DMD: variants seen among roughly 807,000 people sequenced by gnomAD.
The protein encoded by DMD is dystrophin, also known as mutant dystrophin.
Under a neutral mutation model 330.1 loss-of-function variants are expected in DMD, and 63 were observed. The observed-to-expected ratio is 0.19, with a 90% confidence interval of 0.16 to 0.24. The LOEUF (loss-of-function observed/expected upper bound fraction) is 0.24, where lower values mean the gene tolerates loss of function less well. DMD is among the 10% of genes least tolerant of loss of function. DMD has a pLI of 1.00. For synonymous variants in DMD, 1,223 were observed against 959.8 expected, an observed-to-expected ratio of 1.27 and a Z score of -5.07; for missense variants, 3,344 against 2,684.1, an observed-to-expected ratio of 1.25 and a Z score of -5.43.
chrX:32,725,808 G>A (rs1399950447), intron 7 of DMD, among the ~76,000 whole-genome samples: 2 of 110,741 alleles, frequency 1.8e-5, no homozygotes, highest in Admixed American at 1.9e-4. Flanking sequence ...TAATTTAACT[G>A]TACATTTTAT....
At chrX:32,784,673 A>G (rs1401350774) in intron 7 of DMD, among the ~76,000 whole-genome samples, 1 of 111,855 alleles carries the variant, frequency 8.9e-6, no homozygotes, top group African/African-American at 3.2e-5. Flanking sequence ...AAAATTAGGG[A>G]AGCAGAGTAA....
intron 47 of DMD, among the ~76,000 whole-genome samples, chrX:31,921,384 A>C (rs2094687871): frequency 9.0e-6 from 1 of 111,721 alleles, no homozygotes; most frequent in African/African-American, 3.3e-5. Flanking sequence ...TATCAGCGGA[A>C]TAGGAGAGCA....
At chrX:32,551,069 CT>C (rs2148993604) in intron 16 of DMD, among the ~76,000 whole-genome samples, 1 of 111,284 alleles carries the variant, frequency 9.0e-6, no homozygotes, top group South Asian at 3.8e-4. Context: ...GAAGGAAAAG[CT>C]GGTATCATTC....
chrX:32,361,310 G>A (rs894223991), intron 37 of DMD, among the ~76,000 whole-genome samples: 4 of 111,224 alleles, frequency 3.6e-5, no homozygotes, highest in Admixed American at 1.9e-4. Context: ...AATTTTAAGA[G>A]CCTGTCACAT....
At chrX:32,343,113 G>A (rs774911254) in intron 40 of DMD, 21 bp downstream of exon 40, 2 of 1,201,611 alleles carry the variant, frequency 1.7e-6, no homozygotes, top group Admixed American at 2.2e-5. Context: ...ATCTGGTATT[G>A]ACATTCTAAA....
chrX:32,740,929 C>A (rs1459385056), intron 7 of DMD, among the ~76,000 whole-genome samples: 2 of 111,555 alleles, frequency 1.8e-5, no homozygotes, highest in East Asian at 5.7e-4. Flanking sequence ...TTATTTATGA[C>A]TCTAAAACTT....
intron 19 of DMD, among the ~76,000 whole-genome samples, chrX:32,500,037 CG>C (rs767366760): frequency 1.8e-5 from 2 of 110,523 alleles, no homozygotes; most frequent in Admixed American, 9.7e-5. Flanking sequence ...AGCCTAATGA[CG>C]TATCAGTTCG....
At position 31,119,257 on chromosome X, in the gene DMD, C is replaced by T. The variant is rs2031921088; in HGVS notation, c.*2662G>A. ...CATAACTGCGTGCTTTATTGAGATACACAGTAAAGCAGTACTATAATACAA... is the reference window on the plus strand; with the variant it reads ...CATAACTGCGTGCTTTATTGAGATATACAGTAAAGCAGTACTATAATACAA... On this transcript the variant is annotated 3_prime_UTR_variant, in exon 79 of 79. Transcript: ENST00000357033. The T allele has an allele frequency of 8.9e-6, 1 of 112,230 alleles. No individual in the cohort carries two copies. The highest frequency in any genetic ancestry group is 1.9e-5 in the Non-Finnish European group (1 of 53,077). 9.2% of individuals were successfully genotyped at this position (112,230 alleles called of 1,213,427 possible).
At chrX:32,130,035 TC>T (rs1230938778) in intron 44 of DMD, among the ~76,000 whole-genome samples, 1 of 109,276 alleles carries the variant, frequency 9.2e-6, no homozygotes, top group African/African-American at 3.3e-5. Flanking sequence ...CTGGCTTTTT[TC>T]CCCCTTACGC....
chrX:31,299,626 A>G (rs1467904529), intron 62 of DMD, among the ~76,000 whole-genome samples: 1 of 109,992 alleles, frequency 9.1e-6, no homozygotes, highest in South Asian at 4.0e-4. Context: ...AAATACAAAA[A>G]TTAGCTGGGT....
intron 44 of DMD, among the ~76,000 whole-genome samples, chrX:32,027,546 C>T (rs766651359): frequency 4.5e-5 from 5 of 111,535 alleles, no homozygotes; most frequent in Non-Finnish European, 9.4e-5. Flanking sequence ...ATAGCCCCAC[C>T]ATAGGAACCC....
At chrX:31,661,727 ATGTG>A (rs373190781) in intron 53 of DMD, among the ~76,000 whole-genome samples, 1 of 109,282 alleles carries the variant, frequency 9.2e-6, no homozygotes, top group Admixed American at 9.8e-5. Context: ...GTGTGTGTGT[ATGTG>A]TGTGTGTGTG....
intron 9 of DMD, among the ~76,000 whole-genome samples, chrX:32,667,435 G>C (rs1186630777): frequency 1.8e-5 from 2 of 112,001 alleles, no homozygotes; most frequent in Non-Finnish European, 3.8e-5. Flanking sequence ...GCTTAGTGCT[G>C]TGTGACACGA....
intron 44 of DMD, among the ~76,000 whole-genome samples, chrX:32,210,665 C>T (rs2097090151): frequency 9.0e-6 from 1 of 111,579 alleles, no homozygotes. Flanking sequence ...CAGTAGATTG[C>T]CATGTTAGGT....
chrX:31,370,465 C>A (rs141180746), intron 60 of DMD, among the ~76,000 whole-genome samples: 1 of 111,759 alleles, frequency 8.9e-6, no homozygotes, highest in Non-Finnish European at 1.9e-5. Flanking sequence ...ACGAGGGAAA[C>A]GTAAATTAAA....
Position 32,468,580 on chromosome X carries a change from C to A in DMD, c.3080G>T (p.Gly1027Val). The A allele has an allele frequency of 8.3e-7, 1 of 1,210,883 alleles. No homozygotes were observed. The highest frequency in any genetic ancestry group is 1.1e-6 in the Non-Finnish European group (1 of 895,068). ...CTGGGAGGAGAGCTTCTTCCAGCGT[C>A]CCTCAATTTCTTCAAATTCTGATTG... ...KYQSEFEEIE[G>V]RWKKLSSQLV... is the part of the protein sequence containing the mutation. Residue 1027 changes from glycine (G) to valine (V), a missense_variant, in exon 23 of 79, where the codon GGA becomes GTA. Physicochemically the swap from Gly to Val is moderately radical, Grantham distance 109. Transcript: ENST00000357033.
chrX:33,336,912 A>G (rs754079240), intron 1 of DMD, among the ~76,000 whole-genome samples: 1 of 111,248 alleles, frequency 9.0e-6, no homozygotes, highest in East Asian at 2.8e-4. Flanking sequence ...GCATTTATCA[A>G]TAAGGGTTTG....
intron 11 of DMD, among the ~76,000 whole-genome samples, chrX:32,617,891 C>A (rs908743799): frequency 9.0e-6 from 1 of 111,123 alleles, no homozygotes; most frequent in Admixed American, 9.6e-5. Flanking sequence ...AAACAAATAA[C>A]CTGATTAAAA....
chrX:32,376,100 T>C (rs2147400634), intron 34 of DMD, among the ~76,000 whole-genome samples: 1 of 110,551 alleles, frequency 9.0e-6, no homozygotes, highest in South Asian at 3.9e-4. Context: ...ACCATCATGG[T>C]GAAACTCCAA....
Sources: allele counts gnomAD v4.1 joint callset (sites outside exome capture counted in the v4.1 genomes callset), GRCh38; gene constraint gnomAD v4.1.1; transcripts MANE v1.5; gene names NCBI Gene and HGNC (gene_info 2026-07-23, HGNC 2026-07-21).